Variants in GSG1L observed in about 807,000 individuals in gnomAD.
GSG1L encodes the protein germ cell-specific gene 1-like protein.
Under a neutral mutation model 42.1 loss-of-function variants are expected in GSG1L, and 24 were observed. The ratio of observed to expected loss-of-function variants is 0.57; its 90% confidence interval spans 0.41 to 0.80. The LOEUF is 0.80. Ranked by LOEUF, GSG1L falls within the 30% of genes least tolerant of loss-of-function variation. GSG1L has a pLI of 0.00. For synonymous variants in GSG1L, 215 were observed against 203.5 expected (o/e 1.06, Z -0.48); for missense variants, 445 against 472.2 (o/e 0.94, Z 0.53).
chr16:27,931,577 C>T (rs1283219167), intron 2 of GSG1L, among the ~76,000 whole-genome samples: 2 of 152,182 alleles, frequency 1.3e-5, no homozygotes, highest in African/African-American at 2.4e-5. Context: ...CTGGAGAATG[C>T]CCAGTGTTGG....
At chr16:28,060,207 TG>T (rs1234671177) in intron 1 of GSG1L, among the ~76,000 whole-genome samples, 3 of 152,114 alleles carry the variant, frequency 2.0e-5, no homozygotes, top group African/African-American at 7.2e-5. Flanking sequence ...GCTATTGGGA[TG>T]TTTTTTTCCT....
chr16:27,918,937 A>G (rs991539722), intron 2 of GSG1L, among the ~76,000 whole-genome samples: 1 of 152,154 alleles, frequency 6.6e-6, no homozygotes, highest in Non-Finnish European at 1.5e-5. Flanking sequence ...CAGGGCAGAC[A>G]TTGCTAATCG....
At chr16:27,895,264 G>T (rs1454132303) in intron 2 of GSG1L, among the ~76,000 whole-genome samples, 1 of 152,042 alleles carries the variant, frequency 6.6e-6, no homozygotes, top group Non-Finnish European at 1.5e-5. Context: ...CACAATACTG[G>T]AACTGCATCA....
rs1169961923 is a variant in GSG1L at position 27,884,080 on chromosome 16, C to T, written c.550+406G>A. On this transcript the variant is annotated intron_variant, in intron 3 of 6. Transcript: ENST00000447459. This position sits in a 1 kb window ranked among gnomAD's most constrained non-coding sequence, Gnocchi z 4.4. The stretch of plus-strand genomic sequence containing the variant: ...CGACGTGCCCTCCACCCCAAAGTGG[C>T]TTCTCTTTTACATCCCAGGGAAAGG... 6.6e-6 allele frequency among the ~76,000 whole-genome samples: 1 copy of T among 152,186 alleles called. No homozygotes were observed. The highest frequency in any genetic ancestry group is 1.9e-4 in the East Asian group (1 of 5,194).
At chr16:27,982,405 T>G (rs1186156797) in intron 1 of GSG1L, among the ~76,000 whole-genome samples, 1 of 152,164 alleles carries the variant, frequency 6.6e-6, no homozygotes, top group Non-Finnish European at 1.5e-5. Flanking sequence ...GTGGGTCACG[T>G]GACTAGTTCC....
At chr16:27,919,303 C>T (rs1193628245) in intron 2 of GSG1L, among the ~76,000 whole-genome samples, 1 of 152,160 alleles carries the variant, frequency 6.6e-6, no homozygotes, top group African/African-American at 2.4e-5. Flanking sequence ...AAAAATCTCC[C>T]AATTCCCTAT....
intron 4 of GSG1L, among the ~76,000 whole-genome samples, chr16:27,843,430 C>T (rs2140981957): frequency 6.7e-6 from 1 of 149,210 alleles, no homozygotes; most frequent in African/African-American, 2.5e-5. Flanking sequence ...GAAACCCTAT[C>T]TCTCTGCTGG....
intron 2 of GSG1L, among the ~76,000 whole-genome samples, chr16:27,903,805 G>C (rs1423856818): frequency 2.0e-5 from 3 of 151,948 alleles, no homozygotes; most frequent in African/African-American, 7.3e-5. Flanking sequence ...TCAAGACAGA[G>C]ACCCCCCACC....
chr16:27,792,990 G>A (rs1459765967), intron 6 of GSG1L, among the ~76,000 whole-genome samples: 1 of 152,176 alleles, frequency 6.6e-6, no homozygotes, highest in African/African-American at 2.4e-5. Flanking sequence ...CCAAATTTCA[G>A]CATTTAAAAA....
intron 2 of GSG1L, among the ~76,000 whole-genome samples, chr16:27,958,837 G>A (rs942490960): frequency 1.3e-5 from 2 of 152,036 alleles, no homozygotes; most frequent in African/African-American, 4.8e-5. Context: ...ACCATGCCCA[G>A]TTAATTTTTG....
At chr16:27,891,106 C>T (rs2084120073) in intron 2 of GSG1L, among the ~76,000 whole-genome samples, 2 of 152,114 alleles carry the variant, frequency 1.3e-5, no homozygotes, top group African/African-American at 4.8e-5. Flanking sequence ...TGCCCCCATC[C>T]CCAGAAGCAG....
chr16:27,794,532 C>T (rs905602697), intron 6 of GSG1L, among the ~76,000 whole-genome samples: 1 of 151,844 alleles, frequency 6.6e-6, no homozygotes, highest in African/African-American at 2.4e-5. Context: ...AGGGTTTCAC[C>T]GTGTTAGCCA....
rs984577154 is a variant in GSG1L at position 27,833,604 on chromosome 16, T to C, written c.663-4648A>G. Among the ~76,000 whole-genome samples the C allele has an allele frequency of 2.6e-5, 4 of 152,210 alleles. No individual in the cohort carries two copies. The South Asian group carries it at 8.3e-4, about 32-fold the overall frequency. The stretch of plus-strand genomic sequence containing the variant: ...TATATCTACCCATTTATTTAGATCT[T>C]CCTTGATTTCTTTCATTGGTATTAT... On this transcript the variant is annotated intron_variant, in intron 4 of 6. Coordinates refer to ENST00000447459, the MANE Select transcript of GSG1L (RefSeq NM_001109763.2).
intron 6 of GSG1L, among the ~76,000 whole-genome samples, chr16:27,803,796 G>GATATATATATATAGATATATATAT (rs879523842): frequency 1.4e-5 from 1 of 73,828 alleles, no homozygotes; most frequent in African/African-American, 5.4e-5. Context: ...TATATATATA[G>GATATATATATATAGATATATATAT]ATAGATAGAT....
chr16:27,886,604 T>C lies in GSG1L; in HGVS notation c.398-1966A>G, dbSNP rs147187880. On this transcript the variant is annotated intron_variant, in intron 2 of 6. Transcript: ENST00000447459. ...TTTTTAGAAGAACATAATGGGGATATATCTAATGGAGACTGGAAATACAGC... is the reference window on the plus strand; with the variant it reads ...TTTTTAGAAGAACATAATGGGGATACATCTAATGGAGACTGGAAATACAGC... Among the ~76,000 whole-genome samples, 499 of 152,316 alleles carry C rather than the reference T, an allele frequency of 3.3e-3. 3 individuals are homozygous for C. The highest frequency in any genetic ancestry group is 5.8e-3 in the Non-Finnish European group (397 of 68,024).
chr16:28,046,313 G>GC (rs1388141871), intron 1 of GSG1L, among the ~76,000 whole-genome samples: 2 of 148,290 alleles, frequency 1.3e-5, no homozygotes, highest in Non-Finnish European at 3.0e-5. Context: ...TGGGGAGTGT[G>GC]CCACATGCAT....
chr16:27,940,717 T>G (rs1200939176), intron 2 of GSG1L, among the ~76,000 whole-genome samples: 27 of 101,706 alleles, frequency 2.7e-4, no homozygotes, highest in African/African-American at 5.3e-4. Context: ...GTGGGGGGAG[T>G]GGGGAGGGAT....
intron 2 of GSG1L, among the ~76,000 whole-genome samples, chr16:27,912,941 C>T (rs2084408828): frequency 6.6e-6 from 1 of 152,030 alleles, no homozygotes; most frequent in South Asian, 2.1e-4. Flanking sequence ...TGGATAATGG[C>T]TACAAACATC....
chr16:27,978,431 G>A (rs748811486), intron 1 of GSG1L, among the ~76,000 whole-genome samples: 12 of 152,150 alleles, frequency 7.9e-5, no homozygotes, highest in Non-Finnish European at 8.8e-5. Flanking sequence ...AGTGGCTCAC[G>A]CCTGTAATCC....
Sources: gnomAD v4.1 joint callset for allele counts (sites outside exome capture counted in the v4.1 genomes callset) on GRCh38, gnomAD v4.1.1 for gene constraint, Gnocchi (gnomAD v3.1) non-coding constraint, MANE v1.5 for transcripts, NCBI Gene and HGNC (gene_info 2026-07-23, HGNC 2026-07-21) for gene names.